Variants in CDC27 observed in about 807,000 individuals in gnomAD.
CDC27 encodes cell division cycle 27, also known as cell division cycle protein 27 homolog.
CDC27 carries 27 observed loss-of-function variants against 109.7 expected under a neutral mutation model. The ratio of observed to expected loss-of-function variants is 0.25; its 90% confidence interval spans 0.18 to 0.34. CDC27 has a LOEUF of 0.34. Ranked by LOEUF, CDC27 falls within the 10% of genes least tolerant of loss-of-function variation. The probability of loss-of-function intolerance (pLI) is 1.00; values close to 1 mark genes in which losing one functional copy is unlikely to be tolerated. For synonymous variants in CDC27, 266 were observed against 333.9 expected (o/e 0.80, Z 2.22); for missense variants, 579 against 960.2 (o/e 0.60, Z 5.25).
intron 2 of CDC27, among the ~76,000 whole-genome samples, chr17:47,180,881 G>T (rs1283235122): frequency 6.8e-6 from 1 of 147,114 alleles, no homozygotes; most frequent in Non-Finnish European, 1.5e-5. Context: ...GACAGGTTAG[G>T]ATTTGTTCCA....
chr17:47,188,786 C>T (rs2064551630), intron 1 of CDC27: 2 of 1,150,672 alleles, frequency 1.7e-6, no homozygotes, highest in Admixed American at 8.0e-5. Context: ...ATGTGCTTCT[C>T]GATCATCTTT....
At chr17:47,182,956 T>C (rs2064301197) in intron 1 of CDC27, among the ~76,000 whole-genome samples, 1 of 151,672 alleles carries the variant, frequency 6.6e-6, no homozygotes, top group Non-Finnish European at 1.5e-5. Flanking sequence ...AGTCCAGGAG[T>C]TCAAGGCTAT....
intron 3 of CDC27, among the ~76,000 whole-genome samples, chr17:47,171,577 G>C (rs750572949): frequency 3.9e-5 from 6 of 152,166 alleles, no homozygotes; most frequent in Non-Finnish European, 7.3e-5. Flanking sequence ...AAACACAAGG[G>C]AGCCTTAATC....
At chr17:47,141,590 T>C (rs1403079664) in intron 12 of CDC27, among the ~76,000 whole-genome samples, 1 of 152,186 alleles carries the variant, frequency 6.6e-6, no homozygotes, top group African/African-American at 2.4e-5. Context: ...CAGACACAAC[T>C]GAATAGGACA....
intron 14 of CDC27, among the ~76,000 whole-genome samples, chr17:47,135,051 G>A (rs993216440): frequency 2.0e-5 from 3 of 152,016 alleles, no homozygotes; most frequent in African/African-American, 4.8e-5. Flanking sequence ...TTCGAATAAG[G>A]AAACTGAAAC....
intron 2 of CDC27, among the ~76,000 whole-genome samples, chr17:47,175,213 C>G (rs1269970691): frequency 6.6e-6 from 1 of 152,154 alleles, no homozygotes; most frequent in East Asian, 1.9e-4. Flanking sequence ...ACCTTGCATC[C>G]TCCAGATACA....
intron 16 of CDC27, among the ~76,000 whole-genome samples, chr17:47,128,335 ATTTAT>A (rs542851414): frequency 2.1e-3 from 324 of 152,180 alleles, no homozygotes; most frequent in African/African-American, 7.6e-3. Flanking sequence ...CCAGCCCTGA[ATTTAT>A]TTTAAAAGAT....
At chr17:47,133,028 TAC>T (rs71138587) in intron 14 of CDC27, among the ~76,000 whole-genome samples, 376 of 29,732 alleles carry the variant, frequency 0.013, 4 homozygotes, top group East Asian at 0.04. Flanking sequence ...TATATATATA[TAC>T]ACACACACAC....
intron 1 of CDC27, among the ~76,000 whole-genome samples, chr17:47,187,318 T>G (rs1478591096): frequency 5.9e-5 from 9 of 152,172 alleles, no homozygotes; most frequent in Admixed American, 5.9e-4. Context: ...TTATTTATTT[T>G]GAGATGGAGT....
At chr17:47,123,497 GCCTC>G (rs2062040701) in intron 17 of CDC27, among the ~76,000 whole-genome samples, 2 of 146,590 alleles carry the variant, frequency 1.4e-5, no homozygotes, top group Non-Finnish European at 3.0e-5. Context: ...GGCAACCTCT[GCCTC>G]CCAGGTTCAA....
intron 9 of CDC27, among the ~76,000 whole-genome samples, chr17:47,151,522 C>T (rs554314879): frequency 2.0e-4 from 30 of 152,184 alleles, no homozygotes; most frequent in African/African-American, 7.2e-4. Flanking sequence ...CCTATCTGTA[C>T]CTAAACTATA....
chr17:47,121,042 C>A (rs1304037462), intron 18 of CDC27, 25 bp from the exon 19 acceptor site: 1 of 1,503,724 alleles, frequency 6.7e-7, no homozygotes, highest in Admixed American at 1.7e-5. Context: ...CAGAAGTCCA[C>A]AGTAAGTTTT....
At chr17:47,147,039 G>A (rs557225754) in intron 9 of CDC27, among the ~76,000 whole-genome samples, 1 of 152,136 alleles carries the variant, frequency 6.6e-6, no homozygotes, top group African/African-American at 2.4e-5. Context: ...CTCTAGCCTG[G>A]GCATCAGAGT....
chr17:47,138,148 T>A (rs118058271), intron 13 of CDC27, among the ~76,000 whole-genome samples: 2 of 152,200 alleles, frequency 1.3e-5, no homozygotes, highest in Non-Finnish European at 2.9e-5. Flanking sequence ...GATGAGTTAT[T>A]TTTAGGATTC....
intron 2 of CDC27, among the ~76,000 whole-genome samples, chr17:47,175,469 T>G (rs1190368828): frequency 1.3e-5 from 2 of 152,150 alleles, no homozygotes; most frequent in Admixed American, 6.5e-5. Flanking sequence ...GTTGTGTGAA[T>G]TTAAGGGCAT....
intron 3 of CDC27, among the ~76,000 whole-genome samples, chr17:47,171,249 C>G (rs1384599408): frequency 3.3e-5 from 5 of 152,232 alleles, no homozygotes; most frequent in Non-Finnish European, 7.3e-5. Flanking sequence ...AAAAAGCCAT[C>G]AATTAGTCAC....
chr17:47,124,921 CTTTT>C (rs887084261), intron 16 of CDC27, among the ~76,000 whole-genome samples: 1 of 152,066 alleles, frequency 6.6e-6, no homozygotes, highest in Middle Eastern at 3.4e-3. Flanking sequence ...TTAAAGACAT[CTTTT>C]TTTCTTTTTT....
At chr17:47,155,247 T>C (rs1234353853) in intron 7 of CDC27, among the ~76,000 whole-genome samples, 1 of 152,148 alleles carries the variant, frequency 6.6e-6, no homozygotes, top group African/African-American at 2.4e-5. Context: ...TTCTAGCATA[T>C]ATGTATATAT....
At chr17:47,173,928 T>A (rs990676201) in intron 2 of CDC27, among the ~76,000 whole-genome samples, 2 of 152,130 alleles carry the variant, frequency 1.3e-5, no homozygotes, top group African/African-American at 4.8e-5. Flanking sequence ...CCCCGTCTTC[T>A]ACTAAAAATA....
Sources: allele counts gnomAD v4.1 joint callset (sites outside exome capture counted in the v4.1 genomes callset), GRCh38; gene constraint gnomAD v4.1.1; transcripts MANE v1.5; gene names NCBI Gene and HGNC (gene_info 2026-07-23, HGNC 2026-07-21).